ABCC11: variants seen among roughly 807,000 people sequenced by gnomAD.
The protein encoded by ABCC11 is ATP binding cassette subfamily C member 11.
A neutral mutation model predicts 149.3 loss-of-function variants in ABCC11; 135 were observed. That is an observed-to-expected ratio of 0.90 (90% CI 0.79 to 1.04). The LOEUF is 1.04. Among genes scored for constraint, ABCC11 ranks in the 50% least tolerant of loss-of-function variants. The probability of loss-of-function intolerance (pLI) is 0.00; values close to 1 mark genes in which losing one functional copy is unlikely to be tolerated. For missense variants in ABCC11, 1,680 were observed against 1,722.1 expected (o/e 0.98, Z 0.43); for synonymous variants, 665 against 671.4 (o/e 0.99, Z 0.15).
chr16:48,217,261 C>A (rs188375496), intron 6 of ABCC11, among the ~76,000 whole-genome samples: 1 of 151,252 alleles, frequency 6.6e-6, no homozygotes, highest in African/African-American at 2.4e-5. Flanking sequence ...CCTTTTTTTT[C>A]TTTTTTGTTA....
intron 11 of ABCC11, 76 bp downstream of exon 11, chr16:48,210,872 G>A (rs778094889): frequency 1.9e-6 from 3 of 1,545,782 alleles, no homozygotes; most frequent in South Asian, 1.2e-5. Context: ...AAATGGTGGG[G>A]CACCTGGCCA....
At chr16:48,169,802 A>T (rs1308212496) in intron 28 of ABCC11, among the ~76,000 whole-genome samples, 1 of 150,570 alleles carries the variant, frequency 6.6e-6, no homozygotes, top group Non-Finnish European at 1.5e-5. Context: ...GCATTAGGAG[A>T]TATACCTAAT....
rs1596716111 is a variant in ABCC11 at position 48,192,570 on chromosome 16, T to G, written c.2656A>C (p.Lys886Gln). The G allele has an allele frequency of 1.9e-6, 3 of 1,614,266 alleles. No individual in the cohort carries two copies. The highest frequency in any genetic ancestry group is 2.5e-6 in the Non-Finnish European group (3 of 1,180,054). The change falls in exon 20 of 30, where the codon AAG becomes CAG. Residue 886 changes from lysine to glutamine, a missense_variant. Transcript: ENST00000356608. ...VGVCSSGIFT[K>Q]VTRKASTALH... ...GCCGTGGATGCCTTCCTCGTGACCT[T>G]GGTGAAAATCCCTGAGGAGCAGACC... is the stretch of plus-strand genomic sequence containing the variant.
chr16:48,215,436 TG>T lies in ABCC11; in HGVS notation c.952-93del, dbSNP rs886716718. On this transcript the variant is annotated intron_variant, in intron 7 of 29. Coordinates refer to ENST00000356608, the MANE Select transcript of ABCC11 (RefSeq NM_001370497.1). ...TTCAGCCTGGCATAAGTAGGGCAACTGGGTGTATTTCCAAAGAGAGGTTTTC... is the reference window on the plus strand; with the variant it reads ...TTCAGCCTGGCATAAGTAGGGCAACTGGTGTATTTCCAAAGAGAGGTTTTC... 12 of 1,414,136 alleles carry T rather than the reference TG, an allele frequency of 8.5e-6. No individual in the cohort carries two copies. The African/African-American group carries it at 1.7e-4, about 20-fold the overall frequency. The allele number at this position is 1,414,136 out of a possible 1,614,324, so 87.6% of individuals were successfully genotyped here.
intron 1 of ABCC11, among the ~76,000 whole-genome samples, chr16:48,243,758 G>C (rs1369379287): frequency 6.6e-6 from 1 of 152,174 alleles, no homozygotes; most frequent in Non-Finnish European, 1.5e-5. Flanking sequence ...TTGGGAGGCC[G>C]AGGTGGACGG....
intron 18 of ABCC11, among the ~76,000 whole-genome samples, chr16:48,195,080 G>A (rs1448922965): frequency 5.3e-5 from 8 of 152,060 alleles, no homozygotes; most frequent in African/African-American, 9.7e-5. Context: ...CACATGTCCC[G>A]TGCCCACAGT....
chr16:48,217,817 G>A (rs1164680439), intron 6 of ABCC11, among the ~76,000 whole-genome samples: 2 of 151,986 alleles, frequency 1.3e-5, no homozygotes, highest in African/African-American at 4.8e-5. Flanking sequence ...CCACTCTGAA[G>A]GGCAATTTTA....
rs769803521 is a variant in ABCC11 at position 48,216,076 on chromosome 16, G to A, written c.951+38C>T. 10 of 1,599,968 alleles carry A rather than the reference G, an allele frequency of 6.3e-6. No individual in the cohort carries two copies. In the East Asian group the frequency reaches 2.2e-4, roughly 36 times the overall value. On this transcript the variant is annotated intron_variant, in intron 7 of 29. Coordinates refer to ENST00000356608, the MANE Select transcript of ABCC11 (RefSeq NM_001370497.1). The stretch of plus-strand genomic sequence containing the variant: ...AGATTCCAGAGCCCTGGGACTTCTG[G>A]GGCCCAGCATCAAATGGGTGACAGA...
chr16:48,244,576 C>A lies in ABCC11; in HGVS notation c.-19+2738G>T. On this transcript the variant is annotated intron_variant, in intron 1 of 29. Coordinates refer to ENST00000356608, the MANE Select transcript of ABCC11 (RefSeq NM_001370497.1). ...ACCATCCTGGGCGTCATCCCCAACA[C>A]GCCTGACCCCGCCAGCGACGCGCAG... 2.0e-6 allele frequency: 3 copies of A among 1,503,346 alleles called. No homozygotes were observed. The South Asian group carries it at 3.7e-5, about 19-fold the overall frequency. 93.1% of individuals were successfully genotyped at this position (1,503,346 alleles called of 1,614,324 possible).
chr16:48,176,530 G>A (rs927649355), intron 25 of ABCC11, among the ~76,000 whole-genome samples: 1 of 152,038 alleles, frequency 6.6e-6, no homozygotes, highest in Non-Finnish European at 1.5e-5. Context: ...TCTTCATCCT[G>A]GCAGTGCCCT....
At chr16:48,182,585 C>T (rs1237933781) in intron 23 of ABCC11, among the ~76,000 whole-genome samples, 2 of 152,108 alleles carry the variant, frequency 1.3e-5, no homozygotes, top group African/African-American at 2.4e-5. Context: ...CGAGACCATC[C>T]TGGCTAACAC....
chr16:48,193,120 G>T (rs1312520589), intron 19 of ABCC11, among the ~76,000 whole-genome samples: 1 of 152,208 alleles, frequency 6.6e-6, no homozygotes, highest in African/African-American at 2.4e-5. Context: ...GGAGCATGGG[G>T]TGTGGGGTTT....
In ABCC11 at chr16:48,175,272, G is replaced by C; in HGVS notation, c.3684C>G (p.Leu1228=). ...LSVIPQDPVL[L]SGTIRFNLDP... is the part of the protein sequence containing the mutation. Reference sequence around the variant, plus strand: ...CCGGCACTCACCTGATGGTTCCTGAGAGCAGCACTGGATCTTGAGGGATCA... The same window carrying C: ...CCGGCACTCACCTGATGGTTCCTGACAGCAGCACTGGATCTTGAGGGATCA... Residue 1228 remains leucine, a synonymous_variant, in exon 26 of 30, where the codon CTC becomes CTG. Coordinates refer to ENST00000356608, the MANE Select transcript of ABCC11 (RefSeq NM_001370497.1). 1 of 1,612,744 alleles carries C rather than the reference G, an allele frequency of 6.2e-7. No homozygotes were observed.
At chr16:48,179,076 C>T (rs1222984264) in intron 23 of ABCC11, among the ~76,000 whole-genome samples, 2 of 152,212 alleles carry the variant, frequency 1.3e-5, no homozygotes, top group South Asian at 2.1e-4. Flanking sequence ...GAGATAAATG[C>T]TCCCATCTCC....
At position 48,178,616 on chromosome 16, in the gene ABCC11, C is replaced by CT; in HGVS notation, c.3328dup (p.Arg1110LysfsTer93). The CT allele has an allele frequency of 6.2e-7, 1 of 1,614,146 alleles. No individual in the cohort carries two copies. The highest frequency in any genetic ancestry group is 2.2e-5 in the East Asian group (1 of 44,868). On this transcript the variant is annotated frameshift_variant, in exon 24 of 30. Coordinates refer to ENST00000356608, the MANE Select transcript of ABCC11 (RefSeq NM_001370497.1). LOFTEE classifies it high-confidence loss of function. ...CCCCACCTTCATGTACTGCAGTATC[C>CT]TCTCTACAGCCGTGAACTGTGCCTC...
chr16:48,171,501 G>A (rs1292208918), intron 26 of ABCC11, among the ~76,000 whole-genome samples: 1 of 152,210 alleles, frequency 6.6e-6, no homozygotes. Context: ...CCATTATCAT[G>A]CATGAGTCAT....
chr16:48,205,020 T>C (rs1346698144), intron 13 of ABCC11, among the ~76,000 whole-genome samples: 1 of 152,196 alleles, frequency 6.6e-6, no homozygotes, highest in Non-Finnish European at 1.5e-5. Flanking sequence ...CTCCCATTTG[T>C]TTTCCTTTTC....
Position 48,184,554 on chromosome 16 carries a change from C to T in ABCC11, c.3144G>A (p.Leu1048=). Residue 1048 remains leucine (L), a synonymous_variant, in exon 23 of 30, where the codon TTG becomes TTA. Transcript: ENST00000356608. The stretch of plus-strand genomic sequence containing the variant: ...CAAGGTTGGTCATGATCTCCAGCCT[C>T]AATGCCATCCATCGTGTGGAAGATA... ...LFLSSTRWMA[L]RLEIMTNLVT... 6.2e-7 allele frequency: 1 copy of T among 1,614,254 alleles called. No homozygotes were observed. Among genetic ancestry groups the T allele is most frequent in the Non-Finnish European group, 8.5e-7 (1 of 1,180,054 alleles).
intron 3 of ABCC11, among the ~76,000 whole-genome samples, chr16:48,229,447 T>C (rs1473014521): frequency 6.7e-6 from 1 of 150,028 alleles, no homozygotes; most frequent in Non-Finnish European, 1.5e-5. Flanking sequence ...TAACCAAGGC[T>C]GGTAACTTTT....
Sources: allele counts gnomAD v4.1 joint callset (sites outside exome capture counted in the v4.1 genomes callset), GRCh38; gene constraint gnomAD v4.1.1; transcripts MANE v1.5; gene names NCBI Gene and HGNC (gene_info 2026-07-23, HGNC 2026-07-21).